The following GUCY1A2 variants were observed in gnomAD, a reference collection of about 807,000 sequenced individuals.
GUCY1A2 encodes the protein guanylate cyclase soluble subunit alpha-2.
In GUCY1A2, 27 loss-of-function variants were observed where a neutral mutation model predicts 63.5. The ratio of observed to expected loss-of-function variants is 0.43; its 90% CI spans 0.31 to 0.59. The LOEUF (loss-of-function observed/expected upper bound fraction) is 0.59, where lower values mean the gene tolerates loss of function less well. Among genes scored for constraint, GUCY1A2 ranks in the 20% least tolerant of loss-of-function variants. The probability of loss-of-function intolerance (pLI) is 0.11; values close to 1 mark genes in which losing one functional copy is unlikely to be tolerated. For synonymous variants in GUCY1A2, 364 were observed against 343.5 expected (o/e 1.06, Z -0.66); for missense variants, 768 against 913.3 (o/e 0.84, Z 2.05).
At chr11:106,713,109 C>T (rs1014107927) in intron 6 of GUCY1A2, among the ~76,000 whole-genome samples, 1 of 152,162 alleles carries the variant, frequency 6.6e-6, no homozygotes, top group African/African-American at 2.4e-5. Flanking sequence ...GAGCCACAGC[C>T]TGGATGCCTC....
At chr11:106,704,504 C>A (rs1190749611) in intron 7 of GUCY1A2, among the ~76,000 whole-genome samples, 2 of 152,144 alleles carry the variant, frequency 1.3e-5, no homozygotes, top group African/African-American at 4.8e-5. Context: ...TGCTCTCATA[C>A]AATGAGCTGT....
intron 3 of GUCY1A2, among the ~76,000 whole-genome samples, chr11:106,972,773 T>C (rs1861212552): frequency 6.6e-6 from 1 of 152,042 alleles, no homozygotes; most frequent in East Asian, 1.9e-4. Flanking sequence ...CTTCAATCAA[T>C]GAATGGATAA....
chr11:106,797,987 T>C (rs1022691245), intron 5 of GUCY1A2, among the ~76,000 whole-genome samples: 4 of 152,040 alleles, frequency 2.6e-5, no homozygotes, highest in East Asian at 1.9e-4. Context: ...AGCTGGTTTT[T>C]TGAAAAGATT....
intron 6 of GUCY1A2, among the ~76,000 whole-genome samples, chr11:106,750,824 T>A (rs1439365810): frequency 6.6e-6 from 1 of 152,042 alleles, no homozygotes; most frequent in East Asian, 1.9e-4. Context: ...TTCTTTCTTT[T>A]CTCTTGCGAA....
At chr11:107,010,945 G>T (rs190545524) in intron 1 of GUCY1A2, among the ~76,000 whole-genome samples, 3 of 152,040 alleles carry the variant, frequency 2.0e-5, no homozygotes, top group African/African-American at 7.2e-5. Context: ...GGCCAGGCTC[G>T]TCTTGAACTC....
intron 4 of GUCY1A2, among the ~76,000 whole-genome samples, chr11:106,815,095 T>C (rs562389839): frequency 1.3e-5 from 2 of 151,896 alleles, no homozygotes; most frequent in Non-Finnish European, 2.9e-5. Context: ...AATAGAAATA[T>C]AAAAATAACC....
At chr11:106,737,705 A>G (rs1466847707) in intron 6 of GUCY1A2, among the ~76,000 whole-genome samples, 3 of 152,114 alleles carry the variant, frequency 2.0e-5, no homozygotes, top group Non-Finnish European at 4.4e-5. Flanking sequence ...AGCTTCATCC[A>G]TGTCCCTACA....
chr11:106,986,707 G>C (rs1861406369), intron 1 of GUCY1A2, among the ~76,000 whole-genome samples: 1 of 152,106 alleles, frequency 6.6e-6, no homozygotes, highest in African/African-American at 2.4e-5. Context: ...AGGCAGAGTA[G>C]GATGGGAAGC....
chr11:106,951,118 C>T lies in GUCY1A2; in HGVS notation c.488-10940G>A, dbSNP rs533221721. Among the ~76,000 whole-genome samples the T allele has an allele frequency of 3.8e-4, 58 of 152,280 alleles. 1 individual carries two copies. In the South Asian group the frequency reaches 8.1e-3, roughly 21 times the overall value. On this transcript the variant is annotated intron_variant, in intron 3 of 7. Coordinates refer to ENST00000526355, the MANE Select transcript of GUCY1A2 (RefSeq NM_000855.3). Reference sequence around the variant, plus strand: ...TTTATTCCATGGTGTATATGTACCACATTTTCTTTATCCAGTCTATCATTG... The same window carrying T: ...TTTATTCCATGGTGTATATGTACCATATTTTCTTTATCCAGTCTATCATTG...
intron 1 of GUCY1A2, among the ~76,000 whole-genome samples, chr11:106,987,031 G>A (rs1204625555): frequency 2.0e-5 from 3 of 152,280 alleles, no homozygotes; most frequent in South Asian, 2.1e-4. Context: ...GATGTTATTA[G>A]GAAGTTATGA....
At chr11:106,724,296 G>A (rs1863366382) in intron 6 of GUCY1A2, among the ~76,000 whole-genome samples, 1 of 152,252 alleles carries the variant, frequency 6.6e-6, no homozygotes, top group Non-Finnish European at 1.5e-5. Flanking sequence ...CAATTTGTCA[G>A]ACCCTTCTAC....
chr11:107,017,802 A>C lies in GUCY1A2; in HGVS notation c.254T>G (p.Val85Gly). ...GCTCTCGCCCAGCGAGTCCAGGTTGACCCGCCTCCGGCGCTGCACCCTCCT... is the reference window on the plus strand; with the variant it reads ...GCTCTCGCCCAGCGAGTCCAGGTTGCCCCGCCTCCGGCGCTGCACCCTCCT... ...GARRVQRRRR[V>G]NLDSLGESIS... The change falls in exon 1 of 8, where the codon GTC becomes GGC. Residue 85 changes from valine (V) to glycine (G), a missense_variant. Physicochemically the swap from Val to Gly is moderately radical, Grantham distance 109. Transcript: ENST00000526355. The C allele has an allele frequency of 2.8e-6, 4 of 1,409,698 alleles. No homozygotes were observed. In the East Asian group the frequency reaches 8.7e-5, roughly 31 times the overall value. The allele number at this position is 1,409,698 out of a possible 1,614,324, so 87.3% of individuals were successfully genotyped here.
Position 106,816,416 on chromosome 11 carries a change from T to C in GUCY1A2, c.1207-5938A>G, listed in dbSNP as rs184237532. Among the ~76,000 whole-genome samples, 12 of 151,778 alleles carry C rather than the reference T, an allele frequency of 7.9e-5. 1 individual carries two copies. Among genetic ancestry groups the C allele is most frequent in the Admixed American group, 7.9e-4 (12 of 15,208 alleles). On this transcript the variant is annotated intron_variant, in intron 4 of 7. Coordinates refer to ENST00000526355, the MANE Select transcript of GUCY1A2 (RefSeq NM_000855.3). ...AATTGTTAACAGAAATTAAATTGCATAAAATGAAATCAAAATGGAAATACA... is the reference window on the plus strand; with the variant it reads ...AATTGTTAACAGAAATTAAATTGCACAAAATGAAATCAAAATGGAAATACA...
At chr11:106,778,829 C>CTGTT (rs1251484697) in intron 5 of GUCY1A2, among the ~76,000 whole-genome samples, 2 of 152,104 alleles carry the variant, frequency 1.3e-5, no homozygotes, top group East Asian at 1.9e-4. Flanking sequence ...GTAATTTTCA[C>CTGTT]TGTTTGCTTA....
At chr11:106,765,903 A>T (rs1864154632) in intron 6 of GUCY1A2, among the ~76,000 whole-genome samples, 1 of 152,172 alleles carries the variant, frequency 6.6e-6, no homozygotes. Flanking sequence ...CAAGTGATAA[A>T]GCAAAATAAT....
At chr11:106,745,467 C>T (rs1260345650) in intron 6 of GUCY1A2, among the ~76,000 whole-genome samples, 1 of 152,148 alleles carries the variant, frequency 6.6e-6, no homozygotes, top group East Asian at 1.9e-4. Flanking sequence ...ACAATAAAAA[C>T]CTATCAAATA....
intron 6 of GUCY1A2, among the ~76,000 whole-genome samples, chr11:106,742,451 G>C (rs1408142844): frequency 6.6e-6 from 1 of 152,140 alleles, no homozygotes; most frequent in Non-Finnish European, 1.5e-5. Flanking sequence ...TTGGTTTTCT[G>C]TTCCTGCGTT....
intron 3 of GUCY1A2, among the ~76,000 whole-genome samples, chr11:106,945,177 T>G (rs1300464765): frequency 6.8e-6 from 1 of 146,526 alleles, no homozygotes; most frequent in Non-Finnish European, 1.5e-5. Context: ...GAGAGAGAGA[T>G]AAAGAAGATC....
chr11:106,905,381 G>A (rs1860190496), intron 4 of GUCY1A2, among the ~76,000 whole-genome samples: 1 of 152,116 alleles, frequency 6.6e-6, no homozygotes, highest in African/African-American at 2.4e-5. Flanking sequence ...GAAGTTGAAA[G>A]TTACAAGATC....
Sources: gnomAD v4.1 joint callset for allele counts (sites outside exome capture counted in the v4.1 genomes callset) on GRCh38, gnomAD v4.1.1 for gene constraint, MANE v1.5 for transcripts, NCBI Gene and HGNC (gene_info 2026-07-23, HGNC 2026-07-21) for gene names.